The following PPP1CB variants were observed in gnomAD, a reference collection of about 807,000 sequenced individuals.
PPP1CB encodes the protein protein phosphatase 1 catalytic subunit beta, also known as serine/threonine-protein phosphatase PP1-beta catalytic subunit.
Under a neutral mutation model 43.7 loss-of-function variants are expected in PPP1CB, and 2 were observed. The ratio of observed to expected loss-of-function variants is 0.05; its 90% CI spans 0.02 to 0.14. PPP1CB has a LOEUF of 0.14. PPP1CB is among the 10% of genes least tolerant of loss of function. The pLI is 1.00. For missense variants in PPP1CB, 84 were observed against 398.0 expected (o/e 0.21, Z 6.71); for synonymous variants, 136 against 135.6 (o/e 1.00, Z -0.02).
intron 2 of PPP1CB, among the ~76,000 whole-genome samples, chr2:28,777,730 G>A (rs551729306): frequency 2.5e-3 from 380 of 152,292 alleles, no homozygotes; most frequent in Middle Eastern, 0.014. Context: ...TTGGCTCACT[G>A]CAACCTCCAC....
intron 5 of PPP1CB, among the ~76,000 whole-genome samples, chr2:28,786,693 T>C (rs1430257349): frequency 7.1e-6 from 1 of 140,412 alleles, no homozygotes; most frequent in Non-Finnish European, 1.5e-5. Context: ...GAGAATGGCA[T>C]GAACCCGGGA....
chr2:28,798,915 G>A (rs904319759), intron 7 of PPP1CB, among the ~76,000 whole-genome samples: 1 of 151,144 alleles, frequency 6.6e-6, no homozygotes, highest in East Asian at 1.9e-4. Flanking sequence ...TTAAACCAGT[G>A]TTCTTTTCCT....
intron 1 of PPP1CB, among the ~76,000 whole-genome samples, chr2:28,773,861 T>C (rs901275685): frequency 9.9e-5 from 15 of 152,212 alleles, no homozygotes; most frequent in African/African-American, 3.1e-4. Flanking sequence ...CATCAACTCT[T>C]AAGATGTGAC....
intron 7 of PPP1CB, 82 bp downstream of exon 7, chr2:28,794,079 C>T (rs1241433793): frequency 1.7e-6 from 2 of 1,191,244 alleles, no homozygotes; most frequent in African/African-American, 3.1e-5. Flanking sequence ...TGTGAAGTTT[C>T]CTTGAGCAAG....
At chr2:28,796,856 T>C (rs1667506928) in intron 7 of PPP1CB, among the ~76,000 whole-genome samples, 1 of 152,138 alleles carries the variant, frequency 6.6e-6, no homozygotes, top group Non-Finnish European at 1.5e-5. Flanking sequence ...CTTGTTCCAG[T>C]TCTCAAGGGG....
At chr2:28,769,893 A>G (rs1666866136) in intron 1 of PPP1CB, among the ~76,000 whole-genome samples, 1 of 152,212 alleles carries the variant, frequency 6.6e-6, no homozygotes, top group Non-Finnish European at 1.5e-5. Context: ...GAGAGGAATG[A>G]AGAACAGATG....
chr2:28,771,298 A>C (rs10180266), intron 1 of PPP1CB, among the ~76,000 whole-genome samples: 1 of 151,754 alleles, frequency 6.6e-6, no homozygotes, highest in Non-Finnish European at 1.5e-5. Context: ...TGATCCACCC[A>C]CCTCGGCCTC....
At chr2:28,781,896 A>G (rs1314489704) in intron 4 of PPP1CB, 54 bp downstream of exon 4, 1 of 1,165,484 alleles carries the variant, frequency 8.6e-7, no homozygotes, top group Non-Finnish European at 1.3e-6. Context: ...TATTCGGAAA[A>G]TACCTATAAT....
intron 7 of PPP1CB, among the ~76,000 whole-genome samples, chr2:28,796,060 T>C (rs113863679): frequency 0.017 from 2,623 of 152,284 alleles, 50 homozygotes; most frequent in African/African-American, 0.048. Flanking sequence ...TCTTCTCCAT[T>C]GCTTGTTATT....
At chr2:28,761,083 G>A (rs1460019110) in intron 1 of PPP1CB, among the ~76,000 whole-genome samples, 1 of 152,120 alleles carries the variant, frequency 6.6e-6, no homozygotes, top group Non-Finnish European at 1.5e-5. Flanking sequence ...TGTATTTTTA[G>A]TAGTAGAGAT....
At chr2:28,786,809 C>T (rs1056900349) in intron 5 of PPP1CB, among the ~76,000 whole-genome samples, 2 of 145,410 alleles carry the variant, frequency 1.4e-5, no homozygotes, top group Non-Finnish European at 3.0e-5. Context: ...ATTATAGATT[C>T]TTAATACCTT....
chr2:28,787,309 A>C (rs1409477885), intron 5 of PPP1CB, among the ~76,000 whole-genome samples: 1 of 152,114 alleles, frequency 6.6e-6, no homozygotes, highest in Non-Finnish European at 1.5e-5. Flanking sequence ...AATACAAAAA[A>C]TTAGCCGGGC....
At position 28,801,169 on chromosome 2, in the gene PPP1CB, T is replaced by A. The variant is rs1667607214; in HGVS notation, c.*1866T>A. 6.6e-6 allele frequency: 1 copy of A among 152,140 alleles called. No individual in the cohort carries two copies. Among genetic ancestry groups the A allele is most frequent in the East Asian group, 1.9e-4 (1 of 5,192 alleles). The allele number at this position is 152,140 out of a possible 1,614,324, so 9.4% of individuals were successfully genotyped here. On this transcript the variant is annotated 3_prime_UTR_variant, in exon 8 of 8. Transcript: ENST00000395366. ...AAGTATTCATGATCTGCATATGATG[T>A]ATTAGGTTAGGTCACAAAGGTTTTA...
chr2:28,763,707 GTTAT>G (rs1352158323), intron 1 of PPP1CB, among the ~76,000 whole-genome samples: 1 of 54,142 alleles, frequency 1.8e-5, no homozygotes, highest in Non-Finnish European at 6.1e-5. Context: ...ATCCACGTTA[GTTAT>G]TCTTTTGTTT....
At chr2:28,769,346 C>T (rs1293405509) in intron 1 of PPP1CB, among the ~76,000 whole-genome samples, 1 of 152,214 alleles carries the variant, frequency 6.6e-6, no homozygotes, top group Admixed American at 6.5e-5. Context: ...AAGCGATTCT[C>T]CTGCTTCAGC....
chr2:28,801,431 CCTT>C lies in PPP1CB; in HGVS notation c.*2129_*2131del, dbSNP rs1388730438. On this transcript the variant is annotated 3_prime_UTR_variant, in exon 8 of 8. Transcript: ENST00000395366. ...ACTAAGTATGTTGGTTAATAGGAAT[CCTT>C]TTTTTTTTTTTTAAAGACTAAATGT... The C allele has an allele frequency of 1.3e-5, 2 of 150,180 alleles. No individual in the cohort carries two copies. Among genetic ancestry groups the C allele is most frequent in the Non-Finnish European group, 3.0e-5 (2 of 67,666 alleles). 9.3% of individuals were successfully genotyped at this position (150,180 alleles called of 1,614,324 possible). A position where few individuals can be genotyped will look rare whatever the true frequency, so the allele number is the denominator to read the frequency against.
At chr2:28,780,109 A>G (rs1667127424) in intron 3 of PPP1CB, among the ~76,000 whole-genome samples, 2 of 117,042 alleles carry the variant, frequency 1.7e-5, no homozygotes, top group African/African-American at 3.2e-5. Flanking sequence ...TTTTTTTGAG[A>G]CGGAGTCTCG....
At chr2:28,766,455 T>A (rs1376321142) in intron 1 of PPP1CB, among the ~76,000 whole-genome samples, 2 of 152,214 alleles carry the variant, frequency 1.3e-5, no homozygotes, top group Non-Finnish European at 2.9e-5. Flanking sequence ...TGTAAAATAG[T>A]CCAACTAAGT....
At chr2:28,773,492 G>A (rs1200701116) in intron 1 of PPP1CB, among the ~76,000 whole-genome samples, 1 of 152,210 alleles carries the variant, frequency 6.6e-6, no homozygotes. Context: ...TTCCTGGGGT[G>A]TGAAAAGGAT....
Sources: allele counts gnomAD v4.1 joint callset (sites outside exome capture counted in the v4.1 genomes callset), GRCh38; gene constraint gnomAD v4.1.1; transcripts MANE v1.5; gene names NCBI Gene and HGNC (gene_info 2026-07-23, HGNC 2026-07-21).